The following FLRT1 variants were observed in gnomAD, a reference collection of about 807,000 sequenced individuals.
The protein encoded by FLRT1 is fibronectin leucine rich transmembrane protein 1.
FLRT1 carries 14 observed loss-of-function variants against 30.9 expected under a neutral mutation model. The ratio of observed to expected loss-of-function variants is 0.45; its 90% CI spans 0.30 to 0.71. FLRT1 has a LOEUF of 0.71. Among genes scored for constraint, FLRT1 ranks in the 30% least tolerant of loss-of-function variants. The pLI is 0.08. For missense variants in FLRT1, 737 were observed against 949.2 expected, an observed-to-expected ratio of 0.78 and a Z score of 2.94; for synonymous variants, 368 against 430.4, an observed-to-expected ratio of 0.85 and a Z score of 1.80.
chr11:64,053,549 C>G (rs1039998632), intron 1 of FLRT1, among the ~76,000 whole-genome samples: 1 of 152,108 alleles, frequency 6.6e-6, no homozygotes, highest in Non-Finnish European at 1.5e-5. Context: ...TAGGGACAAC[C>G]CTGGACTCAG....
chr11:64,059,861 G>A (rs1285911488), intron 1 of FLRT1, among the ~76,000 whole-genome samples: 2 of 152,148 alleles, frequency 1.3e-5, no homozygotes, highest in African/African-American at 2.4e-5. Flanking sequence ...GGTTGCTACT[G>A]ATCCAATAGG....
chr11:64,040,120 A>T (rs1423143022), intron 1 of FLRT1, among the ~76,000 whole-genome samples: 1 of 152,260 alleles, frequency 6.6e-6, no homozygotes, highest in Non-Finnish European at 1.5e-5. Context: ...AGTGGGGAAC[A>T]AAAGCAGTGG....
At chr11:64,059,753 C>T (rs992555702) in intron 1 of FLRT1, among the ~76,000 whole-genome samples, 1 of 152,242 alleles carries the variant, frequency 6.6e-6, no homozygotes, top group Non-Finnish European at 1.5e-5. Context: ...GCCTTCCCCT[C>T]TGAGTCCGGG....
chr11:64,110,864 T>C (rs1590923080), intron 2 of FLRT1, among the ~76,000 whole-genome samples: 1 of 152,122 alleles, frequency 6.6e-6, no homozygotes, highest in South Asian at 2.1e-4. Context: ...CAATTAGAGA[T>C]TCCTCTGGTG....
chr11:64,039,593 AC>A (rs1279620962), intron 1 of FLRT1, among the ~76,000 whole-genome samples: 1 of 151,668 alleles, frequency 6.6e-6, no homozygotes, highest in East Asian at 1.9e-4. Flanking sequence ...AAAGGACAGC[AC>A]CCCTGTTTTG....
At chr11:64,040,176 T>C (rs998371368) in intron 1 of FLRT1, among the ~76,000 whole-genome samples, 1 of 152,178 alleles carries the variant, frequency 6.6e-6, no homozygotes, top group African/African-American at 2.4e-5. Context: ...GTGTCAGACA[T>C]TAGTCAGATC....
At chr11:64,053,402 C>T (rs1415325391) in intron 1 of FLRT1, among the ~76,000 whole-genome samples, 7 of 152,344 alleles carry the variant, frequency 4.6e-5, no homozygotes, top group African/African-American at 1.7e-4. Context: ...TCCTGCAGAT[C>T]TGTACTTAGA....
rs574102810 is a variant in FLRT1, at chr11:64,083,828, G to A, written c.-1037-19366G>A. Among the ~76,000 whole-genome samples the A allele has an allele frequency of 2.0e-5, 3 of 152,320 alleles. No homozygotes were observed. In the East Asian group the frequency reaches 5.8e-4, roughly 29 times the overall value. ...CAGCAGGGGTTGGCATCAACAGACC[G>A]ACGGATCTGCCAGGGCCGGTGAGGG... On this transcript the variant is annotated intron_variant, in intron 1 of 2. Transcript: ENST00000682287.
At chr11:64,097,682 G>A (rs534394931) in intron 1 of FLRT1, among the ~76,000 whole-genome samples, 3 of 152,344 alleles carry the variant, frequency 2.0e-5, no homozygotes, top group East Asian at 1.9e-4. Flanking sequence ...TCTCGCCTCC[G>A]CCTCTTCTCA....
intron 1 of FLRT1, among the ~76,000 whole-genome samples, chr11:64,087,501 T>C (rs533463386): frequency 6.6e-6 from 1 of 152,296 alleles, no homozygotes; most frequent in Admixed American, 6.5e-5. Context: ...TCTCCACAGT[T>C]GCCACCCCTT....
intron 1 of FLRT1, among the ~76,000 whole-genome samples, chr11:64,047,897 CAA>C (rs35010371): frequency 1.5e-4 from 13 of 89,128 alleles, no homozygotes; most frequent in Admixed American, 5.0e-4. Context: ...AACTCCGTCT[CAA>C]AAAAAAAAAA....
At chr11:64,091,648 A>G (rs883798) in intron 1 of FLRT1, among the ~76,000 whole-genome samples, 37,799 of 152,128 alleles carry the variant, frequency 0.25, 5,139 homozygotes, top group South Asian at 0.34. Context: ...ACAGATAAGG[A>G]GACTGATGTT....
chr11:64,072,340 G>A (rs971961924), intron 1 of FLRT1, among the ~76,000 whole-genome samples: 9 of 152,246 alleles, frequency 5.9e-5, no homozygotes, highest in Admixed American at 5.2e-4. Context: ...GCCTTTGGGG[G>A]TTGCCTCTGG....
At chr11:64,112,165 A>C (rs1434730713) in intron 2 of FLRT1, among the ~76,000 whole-genome samples, 1 of 152,196 alleles carries the variant, frequency 6.6e-6, no homozygotes, top group African/African-American at 2.4e-5. Flanking sequence ...ACTATGAATA[A>C]GATGCACAAA....
At chr11:64,052,814 G>C (rs1456024678) in intron 1 of FLRT1, among the ~76,000 whole-genome samples, 1 of 152,194 alleles carries the variant, frequency 6.6e-6, no homozygotes, top group Admixed American at 6.5e-5. Context: ...TGGTCCAGGG[G>C]CCCTTTGCCC....
rs752418632 is a variant in FLRT1 at position 64,118,113 on chromosome 11, G to A, written c.1846G>A (p.Gly616Ser). 5.6e-6 allele frequency: 9 copies of A among 1,612,024 alleles called. No homozygotes were observed. The highest frequency in any genetic ancestry group is 2.2e-5 in the South Asian group (2 of 91,018). ...KKDNSILEIR[G>S]PGLQMLPINP... The stretch of plus-strand genomic sequence containing the variant: ...GGATAACTCCATCCTGGAAATCCGC[G>A]GCCCTGGGCTGCAGATGCTGCCCAT... Residue 616 changes from glycine (G) to serine (S), a missense_variant, in exon 3 of 3, where the codon GGC becomes AGC. Physicochemically the swap from Gly to Ser is moderately conservative, Grantham distance 56. Transcript: ENST00000682287.
rs1277943039 is a variant in FLRT1, at chr11:64,118,721, C to T, written c.*429C>T. On this transcript the variant is annotated 3_prime_UTR_variant, in exon 3 of 3. Transcript: ENST00000682287. ...AAGCAGCCGGCTCTCAAAGCTCCCA[C>T]GCAGCTCTCCCGCCACTGGCCACTC... 3.5e-5 allele frequency: 6 copies of T among 170,414 alleles called. No homozygotes were observed. Among genetic ancestry groups the T allele is most frequent in the Non-Finnish European group, 8.5e-5 (6 of 70,674 alleles). The allele number at this position is 170,414 out of a possible 1,614,324, so 10.6% of individuals were successfully genotyped here.
chr11:64,049,804 C>T (rs374570229), intron 1 of FLRT1, among the ~76,000 whole-genome samples: 46 of 152,294 alleles, frequency 3.0e-4, no homozygotes, highest in Middle Eastern at 3.4e-3. Flanking sequence ...CAAGTGAAGT[C>T]GTCTCTGCAG....
chr11:64,051,875 G>A (rs910097904), intron 1 of FLRT1, among the ~76,000 whole-genome samples: 18 of 151,870 alleles, frequency 1.2e-4, no homozygotes, highest in Admixed American at 2.0e-4. Context: ...CCGTCCCATC[G>A]TGGGGTCCTG....
Sources: gnomAD v4.1 joint callset for allele counts (sites outside exome capture counted in the v4.1 genomes callset) on GRCh38, gnomAD v4.1.1 for gene constraint, MANE v1.5 for transcripts, NCBI Gene and HGNC (gene_info 2026-07-23, HGNC 2026-07-21) for gene names.